MB21D2: variants seen among roughly 807,000 people sequenced by gnomAD.
MB21D2 encodes nucleotidyltransferase MB21D2.
A neutral mutation model predicts 33.3 loss-of-function variants in MB21D2; 9 were observed. The ratio of observed to expected loss-of-function variants is 0.27; its 90% confidence interval spans 0.16 to 0.47. The LOEUF is 0.47. MB21D2 is among the 20% of genes least tolerant of loss of function. The pLI is 0.99. For synonymous variants in MB21D2, 241 were observed against 236.3 expected, an observed-to-expected ratio of 1.02 and a Z score of -0.18; for missense variants, 540 against 624.6, an observed-to-expected ratio of 0.86 and a Z score of 1.44.
intron 1 of MB21D2, among the ~76,000 whole-genome samples, chr3:192,808,575 C>G (rs184911457): frequency 1.2e-3 from 180 of 152,310 alleles, no homozygotes; most frequent in African/African-American, 4.2e-3. Flanking sequence ...GGAGGCAGTA[C>G]CTTTCCTATC....
At chr3:192,901,087 G>A (rs960802904) in intron 1 of MB21D2, among the ~76,000 whole-genome samples, 17 of 152,186 alleles carry the variant, frequency 1.1e-4, no homozygotes, top group African/African-American at 3.6e-4. Flanking sequence ...CCAGGTGAAC[G>A]GCCCGAGATG....
At chr3:192,831,488 G>C (rs1712313482) in intron 1 of MB21D2, among the ~76,000 whole-genome samples, 1 of 152,208 alleles carries the variant, frequency 6.6e-6, no homozygotes, top group African/African-American at 2.4e-5. Flanking sequence ...TACAAGAACA[G>C]AAAGATGGAT....
At chr3:192,912,016 T>C (rs144253901) in intron 1 of MB21D2, among the ~76,000 whole-genome samples, 1 of 152,140 alleles carries the variant, frequency 6.6e-6, no homozygotes, top group Non-Finnish European at 1.5e-5. Context: ...AAAGTAGCAA[T>C]CAAACACTGG....
At chr3:192,874,308 A>G (rs1472678970) in intron 1 of MB21D2, among the ~76,000 whole-genome samples, 6 of 152,232 alleles carry the variant, frequency 3.9e-5, no homozygotes. Flanking sequence ...GAATGGCTGA[A>G]CAAATGAATA....
intron 1 of MB21D2, among the ~76,000 whole-genome samples, chr3:192,870,583 A>G (rs1236167993): frequency 6.6e-6 from 1 of 151,558 alleles, no homozygotes; most frequent in Non-Finnish European, 1.5e-5. Flanking sequence ...TCAGCTGGAC[A>G]TGGTGGTGCA....
intron 1 of MB21D2, among the ~76,000 whole-genome samples, chr3:192,820,418 GA>G (rs1350855832): frequency 1.3e-5 from 2 of 152,024 alleles, no homozygotes; most frequent in African/African-American, 4.8e-5. Context: ...AAAGTCCAGG[GA>G]TGAGGTTCTG....
chr3:192,830,881 A>G (rs2108620673), intron 1 of MB21D2, among the ~76,000 whole-genome samples: 1 of 152,348 alleles, frequency 6.6e-6, no homozygotes, highest in Middle Eastern at 3.4e-3. Flanking sequence ...AGGAACAGAA[A>G]TCACAGGGAG....
intron 1 of MB21D2, among the ~76,000 whole-genome samples, chr3:192,889,493 T>TA (rs1290735957): frequency 6.6e-6 from 1 of 152,082 alleles, no homozygotes; most frequent in Non-Finnish European, 1.5e-5. Flanking sequence ...TTATTCTTTT[T>TA]AAAAAGTCTT....
rs572169260 is a variant in MB21D2 at position 192,835,822 on chromosome 3, C to G, written c.212-36172G>C. Among the ~76,000 whole-genome samples, 295 of 146,322 alleles carry G rather than the reference C, an allele frequency of 2.0e-3. 1 individual carries two copies. The highest frequency in any genetic ancestry group is 6.8e-3 in the African/African-American group (270 of 39,602). On this transcript the variant is annotated intron_variant, in intron 1 of 1. Transcript: ENST00000392452. ...AAAAACCTGACCTCCTTTGGAAGATCAAGAAGAAGAAAGATTGGGGGAAAA... is the reference window on the plus strand; with the variant it reads ...AAAAACCTGACCTCCTTTGGAAGATGAAGAAGAAGAAAGATTGGGGGAAAA...
intron 1 of MB21D2, among the ~76,000 whole-genome samples, chr3:192,878,131 G>A (rs1207537395): frequency 8.1e-5 from 10 of 124,082 alleles, no homozygotes; most frequent in East Asian, 6.8e-4. Context: ...ACGGAGTCTC[G>A]CTCTGTCGCC....
chr3:192,817,289 G>C (rs1711948863), intron 1 of MB21D2, among the ~76,000 whole-genome samples: 1 of 152,160 alleles, frequency 6.6e-6, no homozygotes, highest in African/African-American at 2.4e-5. Context: ...AAGTAACTGT[G>C]TGTCAAGTAA....
At chr3:192,829,470 T>G (rs951500909) in intron 1 of MB21D2, among the ~76,000 whole-genome samples, 3 of 152,226 alleles carry the variant, frequency 2.0e-5, no homozygotes, top group African/African-American at 7.2e-5. Flanking sequence ...AAAAAATGCT[T>G]GTACCATTCT....
At chr3:192,840,213 A>G (rs1712536431) in intron 1 of MB21D2, among the ~76,000 whole-genome samples, 1 of 152,206 alleles carries the variant, frequency 6.6e-6, no homozygotes, top group Non-Finnish European at 1.5e-5. Context: ...TTCAAGTTTC[A>G]GAAAGCCACC....
intron 1 of MB21D2, among the ~76,000 whole-genome samples, chr3:192,874,260 G>T (rs1713381823): frequency 6.6e-6 from 1 of 152,130 alleles, no homozygotes; most frequent in African/African-American, 2.4e-5. Flanking sequence ...TGCAAAAGTT[G>T]TACCTCAGTA....
chr3:192,870,402 A>G (rs1309431383), intron 1 of MB21D2, among the ~76,000 whole-genome samples: 1 of 152,196 alleles, frequency 6.6e-6, no homozygotes, highest in African/African-American at 2.4e-5. Context: ...TTAGAAATGC[A>G]AAGGCTGGCC....
chr3:192,856,690 C>A (rs899996929), intron 1 of MB21D2, among the ~76,000 whole-genome samples: 4 of 152,084 alleles, frequency 2.6e-5, no homozygotes, highest in Non-Finnish European at 5.9e-5. Flanking sequence ...AGTAGCTGGA[C>A]TACAGGTGCA....
intron 1 of MB21D2, among the ~76,000 whole-genome samples, chr3:192,818,033 T>A (rs1475314506): frequency 6.6e-6 from 1 of 151,770 alleles, no homozygotes; most frequent in South Asian, 2.1e-4. Flanking sequence ...TTCTCTTCAG[T>A]GTGCCCTCCC....
chr3:192,899,815 C>CTG (rs1714054516), intron 1 of MB21D2, among the ~76,000 whole-genome samples: 1 of 46,636 alleles, frequency 2.1e-5, no homozygotes, highest in African/African-American at 7.9e-5. Context: ...GTGTCTTGGG[C>CTG]ACCTCGTGTG....
At chr3:192,916,420 G>A (rs1285368109) in intron 1 of MB21D2, among the ~76,000 whole-genome samples, 1 of 152,176 alleles carries the variant, frequency 6.6e-6, no homozygotes, top group African/African-American at 2.4e-5. Flanking sequence ...GCAGGAGAAA[G>A]AGAAAAGCCC....
Sources: gnomAD v4.1 joint callset for allele counts (sites outside exome capture counted in the v4.1 genomes callset) on GRCh38, gnomAD v4.1.1 for gene constraint, MANE v1.5 for transcripts, NCBI Gene and HGNC (gene_info 2026-07-23, HGNC 2026-07-21) for gene names.